AFF2: variants seen among roughly 807,000 people sequenced by gnomAD.
AFF2 encodes the protein ALF transcription elongation factor 2.
In AFF2, 14 loss-of-function variants were observed where a neutral mutation model predicts 76.9. The ratio of observed to expected loss-of-function variants is 0.18; its 90% CI spans 0.12 to 0.28. The LOEUF is 0.28. AFF2 is among the 10% of genes least tolerant of loss of function. AFF2 has a pLI of 1.00. For missense variants in AFF2, 868 were observed against 1,001.1 expected, an observed-to-expected ratio of 0.87 and a Z score of 1.79; for synonymous variants, 398 against 366.7, an observed-to-expected ratio of 1.09 and a Z score of -0.98.
intron 4 of AFF2, among the ~76,000 whole-genome samples, chrX:148,826,292 G>A (rs1405786832): frequency 3.7e-5 from 4 of 107,628 alleles, no homozygotes; most frequent in Non-Finnish European, 5.8e-5. Context: ...ATGTTTTGAA[G>A]TACAAATGTG....
chrX:148,516,392 G>A (rs1375545623), intron 1 of AFF2, among the ~76,000 whole-genome samples: 1 of 111,318 alleles, frequency 9.0e-6, no homozygotes, highest in Non-Finnish European at 1.9e-5. Flanking sequence ...CTCTCTAATT[G>A]CCACAATATG....
intron 9 of AFF2, among the ~76,000 whole-genome samples, chrX:148,929,328 G>A (rs1375204829): frequency 1.8e-5 from 2 of 112,406 alleles, no homozygotes; most frequent in East Asian, 2.8e-4. Flanking sequence ...TTAAAGAGCA[G>A]CATTCCATTA....
In AFF2 at chrX:148,616,722, C is replaced by G. The variant is rs183409471; in HGVS notation, c.48-35277C>G. On this transcript the variant is annotated intron_variant, in intron 1 of 20. Coordinates refer to ENST00000370460, the MANE Select transcript of AFF2 (RefSeq NM_002025.4). ...ATATCTCCTAATGCTATCCCTCCCC[C>G]CTTCCCCCACCCCACAACAGTCCCC... 4.6e-5 allele frequency among the ~76,000 whole-genome samples: 5 copies of G among 109,374 alleles called. No homozygotes were observed. In the East Asian group the frequency reaches 1.5e-3, roughly 32 times the overall value. The allele number at this position is 109,374 out of a possible 115,157, so 95.0% of individuals were successfully genotyped here.
intron 4 of AFF2, among the ~76,000 whole-genome samples, chrX:148,812,322 G>A (rs974603317): frequency 1.6e-4 from 18 of 110,857 alleles, no homozygotes; most frequent in African/African-American, 5.9e-4. Context: ...GGCCATGCTC[G>A]CTGCTTTTCA....
intron 4 of AFF2, among the ~76,000 whole-genome samples, chrX:148,831,560 C>A (rs2070454192): frequency 8.9e-6 from 1 of 112,257 alleles, no homozygotes; most frequent in African/African-American, 3.2e-5. Flanking sequence ...TGTCCATTTC[C>A]TATTAACACC....
At chrX:148,977,614 G>GACAC (rs140911348) in intron 16 of AFF2, among the ~76,000 whole-genome samples, 1,309 of 92,733 alleles carry the variant, frequency 0.014, 31 homozygotes, top group African/African-American at 0.05. Context: ...CCAGCATTTA[G>GACAC]ACACACACAC....
chrX:148,524,855 G>A (rs2052641739), intron 1 of AFF2, among the ~76,000 whole-genome samples: 1 of 112,204 alleles, frequency 8.9e-6, no homozygotes, highest in Non-Finnish European at 1.9e-5. Context: ...ACCATTTGGA[G>A]TCATGACTTG....
At chrX:148,854,492 G>A (rs1557275724) in intron 7 of AFF2, among the ~76,000 whole-genome samples, 1 of 111,237 alleles carries the variant, frequency 9.0e-6, no homozygotes, top group Non-Finnish European at 1.9e-5. Flanking sequence ...GATACTGCTG[G>A]GGATCTATCC....
intron 5 of AFF2, among the ~76,000 whole-genome samples, chrX:148,840,793 A>G (rs1557274220): frequency 8.9e-6 from 1 of 112,446 alleles, no homozygotes; most frequent in Non-Finnish European, 1.9e-5. Context: ...TTGGTGATAT[A>G]CAAAGGAGTT....
chrX:148,604,456 G>A (rs1310965161), intron 1 of AFF2, among the ~76,000 whole-genome samples: 8 of 112,140 alleles, frequency 7.1e-5, no homozygotes, highest in South Asian at 3.6e-4. Context: ...GCAGTGGCAC[G>A]CTCATAGCTC....
At chrX:148,572,004 T>C (rs782374103) in intron 1 of AFF2, among the ~76,000 whole-genome samples, 3 of 109,760 alleles carry the variant, frequency 2.7e-5, no homozygotes, top group African/African-American at 9.9e-5. Context: ...AGAAAAATAT[T>C]TGTAAACCAT....
At chrX:148,563,292 A>C (rs1569551318) in intron 1 of AFF2, among the ~76,000 whole-genome samples, 1 of 112,052 alleles carries the variant, frequency 8.9e-6, no homozygotes, top group East Asian at 2.8e-4. Flanking sequence ...CGTTTGGAGG[A>C]GTTTAAGCAT....
At chrX:148,763,402 C>A (rs918818814) in intron 3 of AFF2, among the ~76,000 whole-genome samples, 10 of 110,970 alleles carry the variant, frequency 9.0e-5, no homozygotes, top group African/African-American at 1.3e-4. Flanking sequence ...ATGCTATATT[C>A]CAAACACTTT....
chrX:148,882,381 A>G (rs781796737), intron 7 of AFF2, among the ~76,000 whole-genome samples: 19 of 111,971 alleles, frequency 1.7e-4, no homozygotes, highest in Non-Finnish European at 3.6e-4. Flanking sequence ...AGATTATTCT[A>G]TGTCTCAATA....
intron 3 of AFF2, among the ~76,000 whole-genome samples, chrX:148,732,821 T>A (rs2055243703): frequency 9.0e-6 from 1 of 110,819 alleles, no homozygotes; most frequent in African/African-American, 3.3e-5. Context: ...GGATGTGGTA[T>A]GCTTTATGAG....
At chrX:148,621,746 A>G (rs1009796197) in intron 1 of AFF2, among the ~76,000 whole-genome samples, 3 of 111,213 alleles carry the variant, frequency 2.7e-5, no homozygotes, top group East Asian at 2.9e-4. Context: ...TTTATTTATT[A>G]TATTTAGTGA....
At chrX:148,868,553 A>G (rs947740777) in intron 7 of AFF2, among the ~76,000 whole-genome samples, 4 of 112,474 alleles carry the variant, frequency 3.6e-5, no homozygotes, top group African/African-American at 1.3e-4. Context: ...GAAAGAGAAT[A>G]GAAGTGTTAA....
intron 1 of AFF2, among the ~76,000 whole-genome samples, chrX:148,557,280 C>T (rs2053062321): frequency 8.9e-6 from 1 of 112,237 alleles, no homozygotes; most frequent in African/African-American, 3.2e-5. Flanking sequence ...AGTTATACAT[C>T]ATGTAAATAA....
At chrX:148,897,306 A>G (rs1450421625) in intron 8 of AFF2, among the ~76,000 whole-genome samples, 5 of 81,275 alleles carry the variant, frequency 6.2e-5, no homozygotes, top group Admixed American at 1.4e-4. Flanking sequence ...ATATGTGTGT[A>G]TATATATAAA....
Sources: allele counts gnomAD v4.1 joint callset (sites outside exome capture counted in the v4.1 genomes callset), GRCh38; gene constraint gnomAD v4.1.1; transcripts MANE v1.5; gene names NCBI Gene and HGNC (gene_info 2026-07-23, HGNC 2026-07-21).